Variants in ST3GAL2 observed in about 807,000 individuals in gnomAD.
ST3GAL2 encodes CMP-N-acetylneuraminate-beta-galactosamide-alpha-2,3-sialyltransferase 2.
A neutral mutation model predicts 37.5 loss-of-function variants in ST3GAL2; 16 were observed. The observed-to-expected ratio is 0.43, with a 90% CI of 0.29 to 0.65. The LOEUF (loss-of-function observed/expected upper bound fraction) is 0.65, where lower values mean the gene tolerates loss of function less well. Ranked by LOEUF, ST3GAL2 falls within the 30% of genes least tolerant of loss-of-function variation. ST3GAL2 has a pLI of 0.17. For missense variants in ST3GAL2, 383 were observed against 487.8 expected (o/e 0.79, Z 2.02); for synonymous variants, 238 against 202.9 (o/e 1.17, Z -1.47).
rs2047405528 is a variant in ST3GAL2, at chr16:70,381,608, T to A, written c.*81A>T. ...CGCCCCTGGGCTGCAGCATGATTGG[T>A]CGCGGGTTGCTGGTCCTGGGTCCCG... On this transcript the variant is annotated 3_prime_UTR_variant, in exon 7 of 7. Coordinates refer to ENST00000342907, the MANE Select transcript of ST3GAL2 (RefSeq NM_006927.4). The A allele has an allele frequency of 3.3e-6, 5 of 1,524,162 alleles. No homozygotes were observed. Among genetic ancestry groups the A allele is most frequent in the Non-Finnish European group, 4.4e-6 (5 of 1,132,680 alleles). 94.4% of individuals were successfully genotyped at this position (1,524,162 alleles called of 1,614,324 possible).
chr16:70,388,534 C>T lies in ST3GAL2; in HGVS notation c.546G>A (p.Ala182=), dbSNP rs746645900. The T allele has an allele frequency of 5.6e-6, 9 of 1,593,512 alleles. No homozygotes were observed. The highest frequency in any genetic ancestry group is 1.7e-4 in the Middle Eastern group (1 of 5,986). The change falls in exon 4 of 7, where the codon GCG becomes GCA. Residue 182 remains alanine (A), a synonymous_variant. Transcript: ENST00000342907. ...GHNFIMRMNQ[A]PTVGFEQDVG... ...CATCCTGCTCAAAGCCCACGGTTGG[C>T]GCCTGATTCATCCTGCAGGGACAAG... is the stretch of plus-strand genomic sequence containing the variant.
chr16:70,421,535 C>T (rs1253999799), intron 1 of ST3GAL2, among the ~76,000 whole-genome samples: 1 of 152,230 alleles, frequency 6.6e-6, no homozygotes, highest in Non-Finnish European at 1.5e-5. Context: ...GAAGGACGCA[C>T]AGACCTTGGT....
chr16:70,436,632 A>C (rs1252669848), intron 1 of ST3GAL2, among the ~76,000 whole-genome samples: 1 of 151,950 alleles, frequency 6.6e-6, no homozygotes, highest in African/African-American at 2.4e-5. Flanking sequence ...ACACACACAC[A>C]ATCTGTGCCT....
intron 1 of ST3GAL2, among the ~76,000 whole-genome samples, chr16:70,418,829 A>C (rs1442422705): frequency 6.6e-6 from 1 of 152,102 alleles, no homozygotes; most frequent in Non-Finnish European, 1.5e-5. Context: ...TTCTCCAGGT[A>C]ATCTTCAACC....
chr16:70,427,483 C>T (rs1028654443), intron 1 of ST3GAL2, among the ~76,000 whole-genome samples: 12 of 151,916 alleles, frequency 7.9e-5, no homozygotes, highest in Non-Finnish European at 1.0e-4. Context: ...GGACTACAGG[C>T]CCCCGCCACC....
At chr16:70,434,351 C>T (rs1390160461) in intron 1 of ST3GAL2, among the ~76,000 whole-genome samples, 4 of 151,822 alleles carry the variant, frequency 2.6e-5, no homozygotes, top group Admixed American at 2.0e-4. Flanking sequence ...GCATGAGAGT[C>T]GCTTGAACCC....
At chr16:70,403,792 C>G (rs990680843) in intron 1 of ST3GAL2, among the ~76,000 whole-genome samples, 3 of 152,080 alleles carry the variant, frequency 2.0e-5, no homozygotes, top group African/African-American at 7.2e-5. Context: ...AGCCTGGTGA[C>G]AGAGTGAGAC....
chr16:70,424,616 A>C (rs1200490072), intron 1 of ST3GAL2, among the ~76,000 whole-genome samples: 5 of 152,108 alleles, frequency 3.3e-5, no homozygotes, highest in African/African-American at 7.2e-5. Context: ...AAATTAAATA[A>C]ATAAATAAAT....
In ST3GAL2 at chr16:70,379,112, TGA is replaced by T. The variant is rs2047374642; in HGVS notation, c.*2575_*2576del. The T allele has an allele frequency of 6.6e-6, 1 of 152,210 alleles. No individual in the cohort carries two copies. The highest frequency in any genetic ancestry group is 1.5e-5 in the Non-Finnish European group (1 of 68,062). 9.4% of individuals were successfully genotyped at this position (152,210 alleles called of 1,614,324 possible). Reference sequence around the variant, plus strand: ...AAAACCTGACTTAGATGCACTTCCCTGAGAGGTGGGGACAGCCCAGCCTGTGG... The same window carrying T: ...AAAACCTGACTTAGATGCACTTCCCTGAGGTGGGGACAGCCCAGCCTGTGG... On this transcript the variant is annotated 3_prime_UTR_variant, in exon 7 of 7. Coordinates refer to ENST00000342907, the MANE Select transcript of ST3GAL2 (RefSeq NM_006927.4).
intron 1 of ST3GAL2, among the ~76,000 whole-genome samples, chr16:70,429,635 A>AT (rs2047775440): frequency 6.5e-5 from 9 of 139,264 alleles, no homozygotes; most frequent in Admixed American, 1.4e-4. Flanking sequence ...AGGGCTTTAA[A>AT]TTCTTTTTTT....
chr16:70,412,972 G>A (rs573244988), intron 1 of ST3GAL2, among the ~76,000 whole-genome samples: 50 of 152,348 alleles, frequency 3.3e-4, no homozygotes, highest in African/African-American at 1.1e-3. Flanking sequence ...CTTGAGGCTG[G>A]GCACGGTGGC....
chr16:70,414,943 G>A (rs1343081455), intron 1 of ST3GAL2, among the ~76,000 whole-genome samples: 6 of 151,574 alleles, frequency 4.0e-5, no homozygotes, highest in East Asian at 3.9e-4. Flanking sequence ...GCACGATCTC[G>A]GCTCACTGCA....
chr16:70,426,452 G>T (rs147181111), intron 1 of ST3GAL2, among the ~76,000 whole-genome samples: 2 of 151,504 alleles, frequency 1.3e-5, no homozygotes, highest in African/African-American at 4.9e-5. Context: ...CGCCTGCCTC[G>T]GCCTCCCAAA....
At chr16:70,410,240 CTTTTTTTTT>C (rs751045679) in intron 1 of ST3GAL2, among the ~76,000 whole-genome samples, 25 of 62,658 alleles carry the variant, frequency 4.0e-4, no homozygotes, top group African/African-American at 5.9e-4. Flanking sequence ...CCACCCTCAC[CTTTTTTTTT>C]TTTTTTTTTT....
chr16:70,383,663 G>C (rs1274868886), intron 4 of ST3GAL2, among the ~76,000 whole-genome samples: 1 of 151,548 alleles, frequency 6.6e-6, no homozygotes, highest in Non-Finnish European at 1.5e-5. Context: ...AAGGAGAAAG[G>C]AAAGGAAGAA....
chr16:70,400,443 G>A lies in ST3GAL2; in HGVS notation c.-1003-910C>T, dbSNP rs537224986. The A allele has an allele frequency of 1.3e-3, 204 of 152,804 alleles. 1 individual carries two copies. The highest frequency in any genetic ancestry group is 1.8e-3 in the Non-Finnish European group (123 of 68,422). 9.5% of individuals were successfully genotyped at this position (152,804 alleles called of 1,614,324 possible). A position where few individuals can be genotyped will look rare whatever the true frequency, so the allele number is the denominator to read the frequency against. ...CAGCTCCCCTCCAAATCTGCCTAGC[G>A]GTGCTGCTGACCTAGCCCCTGGGCC... is the stretch of plus-strand genomic sequence containing the variant. On this transcript the variant is annotated intron_variant, in intron 1 of 6. Coordinates refer to ENST00000342907, the MANE Select transcript of ST3GAL2 (RefSeq NM_006927.4).
Position 70,398,699 on chromosome 16 carries a change from G to T in ST3GAL2, c.-169C>A. On this transcript the variant is annotated 5_prime_UTR_variant, in exon 2 of 7. Coordinates refer to ENST00000342907, the MANE Select transcript of ST3GAL2 (RefSeq NM_006927.4). ...CCCTTGCCACGCCCTCCCTCATGTA[G>T]GGAGAACACACGTTGGCAGGAGTGG... is the stretch of plus-strand genomic sequence containing the variant. 1.5e-6 allele frequency: 1 copy of T among 666,690 alleles called. No individual in the cohort carries two copies. The highest frequency in any genetic ancestry group is 2.5e-6 in the Non-Finnish European group (1 of 396,720). The allele number at this position is 666,690 out of a possible 1,614,324, so 41.3% of individuals were successfully genotyped here.
At chr16:70,408,014 A>G (rs2047604537) in intron 1 of ST3GAL2, among the ~76,000 whole-genome samples, 1 of 152,130 alleles carries the variant, frequency 6.6e-6, no homozygotes, top group African/African-American at 2.4e-5. Context: ...CTCTCCACCC[A>G]CTTACACACA....
intron 1 of ST3GAL2, among the ~76,000 whole-genome samples, chr16:70,434,803 G>C (rs1202908883): frequency 6.6e-6 from 1 of 152,200 alleles, no homozygotes; most frequent in Non-Finnish European, 1.5e-5. Flanking sequence ...CTGGAATCAG[G>C]AGTCCCAGGG....
Sources: allele counts gnomAD v4.1 joint callset (sites outside exome capture counted in the v4.1 genomes callset), GRCh38; gene constraint gnomAD v4.1.1; transcripts MANE v1.5; gene names NCBI Gene and HGNC (gene_info 2026-07-23, HGNC 2026-07-21).